The following DAB1 variants were observed in gnomAD, a reference collection of about 807,000 sequenced individuals.
The protein encoded by DAB1 is DAB adaptor protein 1.
A neutral mutation model predicts 64.6 loss-of-function variants in DAB1; 15 were observed. That is an observed-to-expected ratio of 0.23 (90% confidence interval 0.16 to 0.36). The LOEUF (loss-of-function observed/expected upper bound fraction) is 0.36. Among genes scored for constraint, DAB1 ranks in the 10% least tolerant of loss-of-function variants. DAB1 has a pLI of 1.00. For missense variants in DAB1, 596 were observed against 706.7 expected (o/e 0.84, Z 1.78); for synonymous variants, 235 against 251.9 (o/e 0.93, Z 0.64).
intron 2 of DAB1, among the ~76,000 whole-genome samples, chr1:57,258,551 T>G (rs533496087): frequency 1.3e-5 from 2 of 152,294 alleles, no homozygotes; most frequent in African/African-American, 4.8e-5. Flanking sequence ...GAGATCATGA[T>G]TTCGATGAGC....
chr1:57,313,849 T>C (rs1471874697), intron 1 of DAB1, among the ~76,000 whole-genome samples: 3 of 152,204 alleles, frequency 2.0e-5, no homozygotes, highest in Admixed American at 6.5e-5. Context: ...ATAGGATTCA[T>C]GTTCTTACAG....
At chr1:58,287,232 G>A (rs536700753) in intron 4 of DAB1, among the ~76,000 whole-genome samples, 1 of 152,220 alleles carries the variant, frequency 6.6e-6, no homozygotes, top group East Asian at 1.9e-4. Flanking sequence ...TAGGTGATGA[G>A]TTGATAGGTG....
chr1:58,220,991 AT>A (rs10714614), intron 4 of DAB1, among the ~76,000 whole-genome samples: 65,022 of 121,650 alleles, frequency 0.53, 18,432 homozygotes, highest in Non-Finnish European at 0.68. Context: ...TATGAGATTG[AT>A]TTTTTTTTTT....
chr1:57,986,422 C>A (rs1646220366), intron 5 of DAB1, among the ~76,000 whole-genome samples: 3 of 152,126 alleles, frequency 2.0e-5, no homozygotes, highest in Admixed American at 1.3e-4. Context: ...AGAAATCAGG[C>A]CCTGACAAGA....
At chr1:57,920,861 C>T (rs1169244720) in intron 5 of DAB1, among the ~76,000 whole-genome samples, 1 of 152,142 alleles carries the variant, frequency 6.6e-6, no homozygotes, top group African/African-American at 2.4e-5. Context: ...ATTGGCACAA[C>T]CCTTTTGATG....
At chr1:57,623,167 C>T (rs1357978273) in intron 7 of DAB1, among the ~76,000 whole-genome samples, 3 of 152,100 alleles carry the variant, frequency 2.0e-5, no homozygotes, top group Non-Finnish European at 4.4e-5. Context: ...CAAGCAAAGC[C>T]GCCTGGCAGC....
intron 4 of DAB1, among the ~76,000 whole-genome samples, chr1:58,235,391 T>C (rs898918169): frequency 6.6e-6 from 1 of 152,220 alleles, no homozygotes; most frequent in African/African-American, 2.4e-5. Flanking sequence ...GGCTGTTATG[T>C]ATTTATTTCA....
intron 4 of DAB1, among the ~76,000 whole-genome samples, chr1:57,085,923 T>C (rs1030054757): frequency 6.6e-6 from 1 of 152,014 alleles, no homozygotes; most frequent in Non-Finnish European, 1.5e-5. Context: ...TAGATAAAAA[T>C]TAGTGAGTGT....
chr1:57,283,019 G>A (rs1243971558), intron 2 of DAB1, among the ~76,000 whole-genome samples: 2 of 152,210 alleles, frequency 1.3e-5, no homozygotes, highest in African/African-American at 4.8e-5. Context: ...ATTCAGGGAA[G>A]ATAGTACAGA....
At chr1:57,340,166 G>A (rs1478769245) in intron 1 of DAB1, among the ~76,000 whole-genome samples, 2 of 152,142 alleles carry the variant, frequency 1.3e-5, no homozygotes, top group Non-Finnish European at 2.9e-5. Context: ...ATTTGCAAGT[G>A]GGAAGGAGAG....
intron 6 of DAB1, among the ~76,000 whole-genome samples, chr1:57,760,122 T>C (rs1012549186): frequency 5.3e-5 from 8 of 152,090 alleles, no homozygotes; most frequent in Non-Finnish European, 1.0e-4. Flanking sequence ...ACTGAGAGAA[T>C]AGCACAGTCT....
chr1:57,928,859 G>A (rs1458008327), intron 5 of DAB1, among the ~76,000 whole-genome samples: 1 of 152,118 alleles, frequency 6.6e-6, no homozygotes, highest in African/African-American at 2.4e-5. Flanking sequence ...CCAACTGAAG[G>A]ACATCTTGGT....
chr1:58,489,253 A>T (rs899134642), intron 3 of DAB1, among the ~76,000 whole-genome samples: 13 of 152,158 alleles, frequency 8.5e-5, no homozygotes, highest in African/African-American at 2.7e-4. Context: ...CTAATACTGC[A>T]ATTTTCCGAC....
intron 6 of DAB1, among the ~76,000 whole-genome samples, chr1:57,711,559 C>G (rs1472485395): frequency 6.6e-6 from 1 of 152,222 alleles, no homozygotes; most frequent in Non-Finnish European, 1.5e-5. Flanking sequence ...GCATGACAAG[C>G]ATGTTAGCAC....
chr1:57,991,861 A>AC (rs1385213221), intron 5 of DAB1, among the ~76,000 whole-genome samples: 2,233 of 150,154 alleles, frequency 0.015, 54 homozygotes, highest in Middle Eastern at 0.041. Flanking sequence ...AAAAAAAAAA[A>AC]AAAAAAAAGG....
At chr1:57,242,858 T>C (rs898920476) in intron 2 of DAB1, among the ~76,000 whole-genome samples, 2 of 152,214 alleles carry the variant, frequency 1.3e-5, no homozygotes, top group African/African-American at 4.8e-5. Flanking sequence ...GAGAACTGTT[T>C]GTAGACAGTC....
Position 58,246,968 on chromosome 1 carries a change from G to A in DAB1, n.310-96380C>T, listed in dbSNP as rs150578694. On this transcript the variant is annotated intron_variant and non_coding_transcript_variant, in intron 4 of 20. Coordinates refer to the DAB1 transcript ENST00000485760. The stretch of plus-strand genomic sequence containing the variant: ...TGAGGAGGGAGTAAGACGGCCAGAT[G>A]GTGAAAGGCCTTGAAGTCTATAGTC... Among the ~76,000 whole-genome samples the A allele has an allele frequency of 2.6e-5, 4 of 152,130 alleles. No homozygotes were observed. The East Asian group carries it at 5.8e-4, about 22-fold the overall frequency.
chr1:57,444,411 C>T (rs1338528956), intron 7 of DAB1, among the ~76,000 whole-genome samples: 1 of 152,108 alleles, frequency 6.6e-6, no homozygotes, highest in African/African-American at 2.4e-5. Context: ...TTATAAGCTT[C>T]ATCAGGGCAA....
chr1:58,300,610 AAGAGAGAGAGAGAGAGAGAG>A (rs770388855), intron 4 of DAB1, among the ~76,000 whole-genome samples: 1 of 47,008 alleles, frequency 2.1e-5, no homozygotes, highest in African/African-American at 6.8e-5. Flanking sequence ...GAAAGAAAGA[AAGAGAGAGAGAGAGAGAGAG>A]AGAGAGAGAG....
Sources: allele counts gnomAD v4.1 joint callset (sites outside exome capture counted in the v4.1 genomes callset), GRCh38; gene constraint gnomAD v4.1.1; transcripts MANE v1.5; gene names NCBI Gene and HGNC (gene_info 2026-07-23, HGNC 2026-07-21).